TLN1: variants seen among roughly 807,000 people sequenced by gnomAD.
TLN1 encodes talin-1.
A neutral mutation model predicts 292.3 loss-of-function variants in TLN1; 56 were observed. The ratio of observed to expected loss-of-function variants is 0.19; its 90% CI spans 0.15 to 0.24. TLN1 has a LOEUF of 0.24. Among genes scored for constraint, TLN1 ranks in the 10% least tolerant of loss-of-function variants. The pLI, the probability that TLN1 is intolerant of heterozygous loss-of-function variation, is 1.00. For missense variants in TLN1, 2,433 were observed against 3,248.2 expected (o/e 0.75, Z 6.10); for synonymous variants, 1,119 against 1,253.7 (o/e 0.89, Z 2.27).
rs1423783109 is a variant in TLN1 at position 35,713,981 on chromosome 9, C to A, written c.3221G>T (p.Gly1074Val). The change falls in exon 25 of 57, where the codon GGC (glycine) becomes GTC (valine). Residue 1074 changes from glycine to valine, a missense_variant. Around this residue, in one of 7 missense-constraint regions of TLN1, gnomAD observed 1,384 missense variants for 1,699.6 expected, o/e 0.81. Coordinates refer to ENST00000314888, the MANE Select transcript of TLN1 (RefSeq NM_006289.4). ...CTCCCCAGGTAAGGGTTTAAGCTTGCCATCTCGAGCTGCTGCCTTCACTTC... is the reference window on the plus strand; with the variant it reads ...CTCCCCAGGTAAGGGTTTAAGCTTGACATCTCGAGCTGCTGCCTTCACTTC... Reference protein sequence around the residue: ...LQEVKAAARDGKLKPLPGETM... With the variant: ...LQEVKAAARDVKLKPLPGETM... The A allele has an allele frequency of 6.2e-7, 1 of 1,614,130 alleles. No homozygotes were observed. The highest frequency in any genetic ancestry group is 2.2e-5 in the East Asian group (1 of 44,874).
At position 35,719,869 on chromosome 9, in the gene TLN1, G is replaced by A. The variant is rs986219777; in HGVS notation, c.1465-16C>T. The A allele has an allele frequency of 1.3e-6, 2 of 1,574,994 alleles. No homozygotes were observed. Among genetic ancestry groups the A allele is most frequent in the Non-Finnish European group, 1.7e-6 (2 of 1,159,204 alleles). ...GGGCTGAAGTCTAAAGACAAGTGGG[G>A]AGAAACAGGGACTGGAATGGATGTT... On this transcript the variant is annotated splice_polypyrimidine_tract_variant and intron_variant, in intron 13 of 56. Coordinates refer to ENST00000314888, the MANE Select transcript of TLN1 (RefSeq NM_006289.4). This position sits in a 1 kb window ranked among gnomAD's most constrained non-coding sequence, Gnocchi z 4.6.
chr9:35,730,754 G>A (rs971898330), intron 1 of TLN1, among the ~76,000 whole-genome samples: 2 of 152,104 alleles, frequency 1.3e-5, no homozygotes, highest in African/African-American at 2.4e-5. Flanking sequence ...GGTGTGAAAT[G>A]CAGAGTCAGG....
chr9:35,703,929 A>C, intron 46 of TLN1, 29 bp from the exon 47 acceptor site: 1 of 1,613,848 alleles, frequency 6.2e-7, no homozygotes, highest in Non-Finnish European at 8.5e-7. Flanking sequence ...GCTCTGGTCT[A>C]TGGGAGGAAG....
In TLN1 at chr9:35,714,126, C is replaced by T. The variant is rs200954567; in HGVS notation, c.3121-45G>A. On this transcript the variant is annotated intron_variant, in intron 24 of 56. Coordinates refer to ENST00000314888, the MANE Select transcript of TLN1 (RefSeq NM_006289.4). The surrounding 1 kb of genome is among the most constrained non-coding windows in gnomAD (Gnocchi z 4.6). ...TTGGGTGTAGAAGGTCCTGCTGTGT[C>T]TCACCAATGCCTCTGATTACACAAT... 9.3e-6 allele frequency: 15 copies of T among 1,609,016 alleles called. No homozygotes were observed. The East Asian group carries it at 3.1e-4, about 34-fold the overall frequency.
In TLN1 at chr9:35,706,938, C is replaced by G; in HGVS notation, c.4956-38G>C. The G allele has an allele frequency of 6.2e-7, 1 of 1,611,498 alleles. No homozygotes were observed. Among genetic ancestry groups the G allele is most frequent in the Non-Finnish European group, 8.5e-7 (1 of 1,178,858 alleles). On this transcript the variant is annotated intron_variant, in intron 37 of 56. Transcript: ENST00000314888. The surrounding 1 kb of genome is among the most constrained non-coding windows in gnomAD (Gnocchi z 4.2). ...CATGGGCTCCAACACCAAGAACATC[C>G]CCTACTGCAAGGCCAGCCTATCCTT...
rs1304190452 is a variant in TLN1, at chr9:35,707,001, C to T, written c.4955+71G>A. The T allele has an allele frequency of 1.2e-6, 2 of 1,608,180 alleles. No homozygotes were observed. The highest frequency in any genetic ancestry group is 1.7e-5 in the Admixed American group (1 of 58,166). On this transcript the variant is annotated intron_variant, in intron 37 of 56. Coordinates refer to ENST00000314888, the MANE Select transcript of TLN1 (RefSeq NM_006289.4). This position sits in a 1 kb window ranked among gnomAD's most constrained non-coding sequence, Gnocchi z 5.6. Reference sequence around the variant, plus strand: ...CCCAACACCATCCCATCTCATTGCACTCAAGTGCCCATCCTCCATTCTGCC... The same window carrying T: ...CCCAACACCATCCCATCTCATTGCATTCAAGTGCCCATCCTCCATTCTGCC...
Position 35,714,302 on chromosome 9 carries a change from C to T in TLN1, c.3057G>A (p.Gln1019=). ...CCAGGTTCTTGGCACACTGACTCAGCTGCATGGCTGAAGCCTGGTCCTGAA... is the reference window on the plus strand; with the variant it reads ...CCAGGTTCTTGGCACACTGACTCAGTTGCATGGCTGAAGCCTGGTCCTGAA... ...PTIQDQASAM[Q]LSQCAKNLGT... is the part of the protein sequence containing the mutation. Residue 1019 remains glutamine, a synonymous_variant, in exon 24 of 57, where the codon CAG becomes CAA. Coordinates refer to ENST00000314888, the MANE Select transcript of TLN1 (RefSeq NM_006289.4). The surrounding 1 kb of genome is among the most constrained non-coding windows in gnomAD (Gnocchi z 4.6). The T allele has an allele frequency of 1.2e-6, 2 of 1,613,992 alleles. No individual in the cohort carries two copies. The highest frequency in any genetic ancestry group is 1.7e-6 in the Non-Finnish European group (2 of 1,179,856).
Position 35,722,112 on chromosome 9 carries a change from A to G in TLN1, c.948+7T>C. 1 of 1,613,192 alleles carries G rather than the reference A, an allele frequency of 6.2e-7. No individual in the cohort carries two copies. Among genetic ancestry groups the G allele is most frequent in the East Asian group, 2.2e-5 (1 of 44,874 alleles). ...AAGGAGGGCAGTGAAAAGGGCCCAT[A>G]ACCTACCTTCACCAGGAAGAAGGAG... On this transcript the variant is annotated splice_region_variant and intron_variant, in intron 9 of 56. Coordinates refer to ENST00000314888, the MANE Select transcript of TLN1 (RefSeq NM_006289.4).
chr9:35,720,610 T>A, intron 11 of TLN1, 101 bp from the exon 12 acceptor site: 1 of 1,237,480 alleles, frequency 8.1e-7, no homozygotes. Flanking sequence ...TTCCAGAAGC[T>A]GAGTGTCCAT....
rs532941560 is a variant in TLN1, at chr9:35,703,842, G to A, written c.6290C>T (p.Ala2097Val). 1.9e-6 allele frequency: 3 copies of A among 1,614,212 alleles called. No individual in the cohort carries two copies. Among genetic ancestry groups the A allele is most frequent in the East Asian group, 4.5e-5 (2 of 44,882 alleles). ...AACTTTGCCAGCTGCAGCCTTCGTT[G>A]CACTGATGAGGTCTCCCAGGGCTTT... Reference protein sequence around the residue: ...VAKALGDLISATKAAAGKVGD... With the variant: ...VAKALGDLISVTKAAAGKVGD... Residue 2097 changes from alanine (A) to valine (V), a missense_variant, in exon 47 of 57, where the codon GCA becomes GTA. Coordinates refer to ENST00000314888, the MANE Select transcript of TLN1 (RefSeq NM_006289.4).
chr9:35,720,267 C>T (rs758676088), intron 12 of TLN1, 48 bp from the exon 13 acceptor site: 1 of 1,546,036 alleles, frequency 6.5e-7, no homozygotes, highest in Non-Finnish European at 8.7e-7. Context: ...CTCATCTCTA[C>T]CCGTCCCACC....
intron 9 of TLN1, 132 bp from the exon 10 acceptor site, chr9:35,721,935 A>G: frequency 7.7e-7 from 1 of 1,292,966 alleles, no homozygotes; most frequent in Non-Finnish European, 1.1e-6. Flanking sequence ...AATGCAGGGT[A>G]GGGAGGGAAG....
In TLN1 at chr9:35,725,005, G is replaced by A. The variant is rs1446457021; in HGVS notation, c.229-46C>T. 9 of 1,612,206 alleles carry A rather than the reference G, an allele frequency of 5.6e-6. No homozygotes were observed. In the East Asian group the frequency reaches 2.0e-4, roughly 36 times the overall value. On this transcript the variant is annotated intron_variant, in intron 3 of 56. Coordinates refer to ENST00000314888, the MANE Select transcript of TLN1 (RefSeq NM_006289.4). The stretch of plus-strand genomic sequence containing the variant: ...GACAGGGGCCTACTCTGAGCTAGGG[G>A]TATTATTTCCTCTTTACACAGCCCG...
In TLN1 at chr9:35,704,259, C is replaced by T. The variant is rs572654968; in HGVS notation, c.6047+73G>A. The T allele has an allele frequency of 4.6e-5, 73 of 1,577,098 alleles. No homozygotes were observed. The African/African-American group carries it at 8.1e-4, about 17-fold the overall frequency. ...CTGGTCCAGGTCTTCCCCATTCCAG[C>T]GAATGCTATCCTGCCTCTTCCAGCC... On this transcript the variant is annotated intron_variant, in intron 45 of 56. Coordinates refer to ENST00000314888, the MANE Select transcript of TLN1 (RefSeq NM_006289.4). This position sits in a 1 kb window ranked among gnomAD's most constrained non-coding sequence, Gnocchi z 6.9.
Position 35,715,147 on chromosome 9 carries a change from C to CGCT in TLN1, c.2663_2665dup (p.Gln888dup). The CGCT allele has an allele frequency of 6.2e-7, 1 of 1,612,908 alleles. No homozygotes were observed. Among genetic ancestry groups the CGCT allele is most frequent in the Non-Finnish European group, 8.5e-7 (1 of 1,180,034 alleles). ...CAGCCCCTCAGCTGCCTCCCGCAGCCGCTGCTGCTGCTCCTCACTGTCAGG... is the reference window on the plus strand; with the variant it reads ...CAGCCCCTCAGCTGCCTCCCGCAGCCGCTGCTGCTGCTGCTCCTCACTGTCAGG... On this transcript the variant is annotated inframe_insertion, in exon 21 of 57. Transcript: ENST00000314888.
At position 35,704,679 on chromosome 9, in the gene TLN1, A is replaced by G; in HGVS notation, c.5870T>C (p.Val1957Ala). 2 of 1,613,416 alleles carry G rather than the reference A, an allele frequency of 1.2e-6. No individual in the cohort carries two copies. Among genetic ancestry groups the G allele is most frequent in the Non-Finnish European group, 1.7e-6 (2 of 1,179,876 alleles). Residue 1957 changes from valine (V) to alanine (A), a missense_variant, in exon 44 of 57, where the codon GTC becomes GCC. By Grantham distance (64) the Val-to-Ala change is moderately conservative. Around this residue, in one of 7 missense-constraint regions of TLN1, gnomAD observed 1,384 missense variants for 1,699.6 expected, o/e 0.81. Transcript: ENST00000314888. The surrounding 1 kb of genome is among the most constrained non-coding windows in gnomAD (Gnocchi z 6.9). ...GATGAGCACCGTCACCTTCTCAGAG[A>G]CTCTCCGGGCACACTCTATGAGCTC... ...KKELIECARR[V>A]SEKVSHVLAA... is the part of the protein sequence containing the mutation.
Position 35,715,028 on chromosome 9 carries a change from C to T in TLN1, c.2754+31G>A, listed in dbSNP as rs776868095. 3.1e-6 allele frequency: 5 copies of T among 1,612,582 alleles called. No homozygotes were observed. The South Asian group carries it at 4.4e-5, about 14-fold the overall frequency. On this transcript the variant is annotated intron_variant, in intron 21 of 56. Transcript: ENST00000314888. ...ATTCCTCCCACAGCACCCACACTCT[C>T]TCTTGCTCCTGGTGAAACTCCCAGC... is the stretch of plus-strand genomic sequence containing the variant.
At position 35,717,610 on chromosome 9, in the gene TLN1, G is replaced by T; in HGVS notation, c.2163+9C>A. ...CTCAGCACGGACTAGAGCAACCTTT[G>T]GGGCTCACCTTAGTACAGGCCACTA... On this transcript the variant is annotated intron_variant, in intron 18 of 56. Transcript: ENST00000314888. The surrounding 1 kb of genome is among the most constrained non-coding windows in gnomAD (Gnocchi z 4.7). The T allele has an allele frequency of 6.2e-7, 1 of 1,603,990 alleles. No homozygotes were observed. The highest frequency in any genetic ancestry group is 1.1e-5 in the South Asian group (1 of 90,836).
intron 48 of TLN1, among the ~76,000 whole-genome samples, chr9:35,702,362 G>C (rs532670064): frequency 6.6e-6 from 1 of 152,356 alleles, no homozygotes; most frequent in South Asian, 2.1e-4. Flanking sequence ...GAAGAGAAGA[G>C]AGAAGGAAGA....
Sources: allele counts gnomAD v4.1 joint callset (sites outside exome capture counted in the v4.1 genomes callset), GRCh38; gene constraint gnomAD v4.1.1; regional missense constraint gnomAD v4.1.1; non-coding constraint Gnocchi (gnomAD v3.1); transcripts MANE v1.5; gene names NCBI Gene and HGNC (gene_info 2026-07-23, HGNC 2026-07-21).